Variants in XKR6 observed in about 807,000 individuals in gnomAD.
The protein encoded by XKR6 is XK-related protein 6.
In XKR6, 22 loss-of-function variants were observed where a neutral mutation model predicts 56.7. The observed-to-expected ratio is 0.39, with a 90% CI of 0.28 to 0.55. The LOEUF is 0.55. Among genes scored for constraint, XKR6 ranks in the 20% least tolerant of loss-of-function variants. XKR6 has a pLI of 0.66. For synonymous variants in XKR6, 524 were observed against 387.8 expected (o/e 1.35, Z -4.13); for missense variants, 852 against 889.0 (o/e 0.96, Z 0.53).
At chr8:11,126,542 A>G (rs781718506) in intron 1 of XKR6, among the ~76,000 whole-genome samples, 11 of 152,058 alleles carry the variant, frequency 7.2e-5, no homozygotes, top group Admixed American at 5.2e-4. Context: ...ACGCTCCTTC[A>G]TATTACTTCT....
rs7018206 is a variant in XKR6, at chr8:11,106,863, A to G, written c.764+93713T>C. On this transcript the variant is annotated intron_variant, in intron 1 of 2. Transcript: ENST00000416569. ...GAGACTTCATCTCAAAAAAAAAAAA[A>G]AATAAAAAAGATACAACGTTACAAA... Among the ~76,000 whole-genome samples the G allele has an allele frequency of 2.4e-3, 262 of 109,838 alleles. 22 individuals are homozygous for G. The highest frequency in any genetic ancestry group is 9.3e-3 in the African/African-American group (200 of 21,608). 72.1% of individuals were successfully genotyped at this position (109,838 alleles called of 152,430 possible).
intron 1 of XKR6, chr8:11,066,899 TC>T (rs1799994192): frequency 2.0e-5 from 3 of 151,886 alleles, no homozygotes; most frequent in South Asian, 4.2e-4. Flanking sequence ...CACACTCCCA[TC>T]CCCCAGCACT....
intron 1 of XKR6, among the ~76,000 whole-genome samples, chr8:11,163,741 T>C (rs554275107): frequency 1.3e-5 from 2 of 152,360 alleles, no homozygotes; most frequent in South Asian, 2.1e-4. Flanking sequence ...AACTCATTTC[T>C]TCTTCCTCTG....
chr8:10,966,692 A>AAATT (rs1393415032), intron 1 of XKR6, among the ~76,000 whole-genome samples: 5 of 152,086 alleles, frequency 3.3e-5, no homozygotes, highest in Non-Finnish European at 1.5e-5. Context: ...ATAAATAAAT[A>AAATT]CATAAATAAA....
Position 10,925,734 on chromosome 8 carries a change from C to T in XKR6, c.765-904G>A, listed in dbSNP as rs931545664. ...TCATATGGGGACAGAATGAGAGCAT[C>T]GCAGGGTGCATGGGAAGATTAGTGA... On this transcript the variant is annotated intron_variant, in intron 1 of 2. Coordinates refer to ENST00000416569, the MANE Select transcript of XKR6 (RefSeq NM_173683.4). 4.6e-5 allele frequency among the ~76,000 whole-genome samples: 7 copies of T among 152,258 alleles called. No homozygotes were observed. The East Asian group carries it at 5.8e-4, about 13-fold the overall frequency.
chr8:11,146,760 G>C (rs1407778412), intron 1 of XKR6, among the ~76,000 whole-genome samples: 8 of 152,080 alleles, frequency 5.3e-5, no homozygotes, highest in Non-Finnish European at 1.2e-4. Flanking sequence ...AGAAAGTGTG[G>C]TAAACACACA....
chr8:11,082,746 G>C lies in XKR6; in HGVS notation c.764+117830C>G, dbSNP rs528698799. ...ACTGGGACACAGCTCAGGTTTGACA[G>C]AGCCTGGCCACTGGGCTGGGCCTTT... is the stretch of plus-strand genomic sequence containing the variant. On this transcript the variant is annotated intron_variant, in intron 1 of 2. Coordinates refer to ENST00000416569, the MANE Select transcript of XKR6 (RefSeq NM_173683.4). 5.9e-5 allele frequency among the ~76,000 whole-genome samples: 9 copies of C among 152,334 alleles called. No individual in the cohort carries two copies. The South Asian group carries it at 1.9e-3, about 32-fold the overall frequency.
chr8:11,184,151 G>C (rs1392118599), intron 1 of XKR6, among the ~76,000 whole-genome samples: 1 of 152,104 alleles, frequency 6.6e-6, no homozygotes. Context: ...AGGTTTCAGA[G>C]TATAGTTTTA....
chr8:11,132,427 C>T (rs1800151162), intron 1 of XKR6, among the ~76,000 whole-genome samples: 2 of 151,758 alleles, frequency 1.3e-5, no homozygotes, highest in South Asian at 2.1e-4. Flanking sequence ...GGTGCAATCT[C>T]GGATCGCTCA....
intron 1 of XKR6, among the ~76,000 whole-genome samples, chr8:10,930,531 T>C (rs1228384385): frequency 6.6e-6 from 1 of 152,126 alleles, no homozygotes; most frequent in Non-Finnish European, 1.5e-5. Context: ...CCCATAAACA[T>C]AGATGCAAAA....
chr8:10,957,970 T>G (rs1275225109), intron 1 of XKR6, among the ~76,000 whole-genome samples: 1 of 152,122 alleles, frequency 6.6e-6, no homozygotes, highest in Non-Finnish European at 1.5e-5. Flanking sequence ...TAATTAAACT[T>G]TGGTACTTTC....
At chr8:10,976,753 GTCTCTCTCTCTCTC>G (rs5889354) in intron 1 of XKR6, among the ~76,000 whole-genome samples, 1 of 149,208 alleles carries the variant, frequency 6.7e-6, no homozygotes, top group East Asian at 2.0e-4. Flanking sequence ...TACCTCGCCT[GTCTCTCTCTCTCTC>G]TCTCTCTCTC....
At chr8:11,167,029 G>T (rs887073282) in intron 1 of XKR6, among the ~76,000 whole-genome samples, 3 of 152,168 alleles carry the variant, frequency 2.0e-5, no homozygotes, top group Non-Finnish European at 4.4e-5. Flanking sequence ...TGTGGCGGTG[G>T]TAGAAGGAAA....
intron 1 of XKR6, among the ~76,000 whole-genome samples, chr8:11,181,830 C>T (rs997432291): frequency 6.6e-6 from 1 of 152,306 alleles, no homozygotes; most frequent in Non-Finnish European, 1.5e-5. Context: ...GACATAGTAT[C>T]TTCTTCCACA....
chr8:11,119,340 T>C (rs550985906), intron 1 of XKR6, among the ~76,000 whole-genome samples: 11 of 152,146 alleles, frequency 7.2e-5, no homozygotes, highest in African/African-American at 9.7e-5. Flanking sequence ...TGGTGCAGAG[T>C]TGAGTTCAAT....
intron 1 of XKR6, among the ~76,000 whole-genome samples, chr8:10,932,671 C>A (rs1434359086): frequency 1.7e-4 from 23 of 133,240 alleles, no homozygotes; most frequent in African/African-American, 6.9e-4. Context: ...TGAGAATATG[C>A]GGTGTTTGGT....
At chr8:11,189,980 A>C (rs923028616) in intron 1 of XKR6, among the ~76,000 whole-genome samples, 1 of 152,126 alleles carries the variant, frequency 6.6e-6, no homozygotes, top group African/African-American at 2.4e-5. Context: ...AACATGGTGA[A>C]ACACTTTCTC....
At chr8:11,112,551 A>G (rs565817401) in intron 1 of XKR6, among the ~76,000 whole-genome samples, 2 of 152,368 alleles carry the variant, frequency 1.3e-5, no homozygotes, top group African/African-American at 4.8e-5. Flanking sequence ...CTTAAAGACC[A>G]TGCTACTTAG....
chr8:11,180,802 G>A (rs931822229), intron 1 of XKR6, among the ~76,000 whole-genome samples: 1 of 152,158 alleles, frequency 6.6e-6, no homozygotes, highest in African/African-American at 2.4e-5. Flanking sequence ...AGCTTCTCGG[G>A]AGGCTGAGGC....
Sources: allele counts gnomAD v4.1 joint callset (sites outside exome capture counted in the v4.1 genomes callset), GRCh38; gene constraint gnomAD v4.1.1; transcripts MANE v1.5; gene names NCBI Gene and HGNC (gene_info 2026-07-23, HGNC 2026-07-21).